TUBE1: variants seen among roughly 807,000 people sequenced by gnomAD.
TUBE1 encodes the protein tubulin epsilon 1.
Under a neutral mutation model 53.5 loss-of-function variants are expected in TUBE1, and 34 were observed. That is an observed-to-expected ratio of 0.64 (90% confidence interval 0.48 to 0.85). The LOEUF is 0.85. TUBE1 is among the 40% of genes least tolerant of loss of function. The pLI, the probability that TUBE1 is intolerant of heterozygous loss-of-function variation, is 0.00. For missense variants in TUBE1, 532 were observed against 570.5 expected (o/e 0.93, Z 0.69); for synonymous variants, 177 against 198.4 (o/e 0.89, Z 0.91).
chr6:112,070,856 TGTTAAGTGTACAA>T lies in TUBE1; in HGVS notation c.*543_*555del, dbSNP rs1177003048. 1.3e-5 allele frequency: 2 copies of T among 152,166 alleles called. No homozygotes were observed. Among genetic ancestry groups the T allele is most frequent in the African/African-American group, 4.8e-5 (2 of 41,464 alleles). 9.4% of individuals were successfully genotyped at this position (152,166 alleles called of 1,614,324 possible). A position where few individuals can be genotyped will look rare whatever the true frequency, so the allele number is the denominator to read the frequency against. On this transcript the variant is annotated 3_prime_UTR_variant, in exon 12 of 12. Transcript: ENST00000368662. ...ATTTAAAAAGTTTAATACAAATACA[TGTTAAGTGTACAA>T]ATTAGGATTCTTTTGGGCAAACAAG...
chr6:112,085,827 T>C (rs1219308843), intron 3 of TUBE1: 1 of 395,268 alleles, frequency 2.5e-6, no homozygotes, highest in Non-Finnish European at 5.1e-6. Flanking sequence ...ACTGAACCCA[T>C]CTCGAGATGC....
In TUBE1 at chr6:112,076,325, A is replaced by G. The variant is rs1776967527; in HGVS notation, c.633T>C (p.Asn211=). The change falls in exon 7 of 12, where the codon AAT becomes AAC. Residue 211 remains asparagine, a synonymous_variant. Coordinates refer to ENST00000368662, the MANE Select transcript of TUBE1 (RefSeq NM_016262.5). ...AAGTTCCAATGTCATTTCTTACTTG[A>G]TTGTCAATGGGCAATACACAGTCTG... ...EHADCVLPID[N]QSLFDIISKI... 2 of 1,563,834 alleles carry G rather than the reference A, an allele frequency of 1.3e-6. No homozygotes were observed. The highest frequency in any genetic ancestry group is 1.7e-6 in the Non-Finnish European group (2 of 1,156,228).
At chr6:112,079,527 G>A in intron 6 of TUBE1, 106 bp downstream of exon 6, 1 of 1,188,514 alleles carries the variant, frequency 8.4e-7, no homozygotes, top group Non-Finnish European at 1.2e-6. Context: ...CCTCCGAATA[G>A]TTCTATCTTT....
In TUBE1 at chr6:112,071,333, C is replaced by T; in HGVS notation, c.*79G>A. The stretch of plus-strand genomic sequence containing the variant: ...CGATAATATGAAAAAACTGGAGTTT[C>T]CAAATTACAAAAATGTTGAAACAGA... On this transcript the variant is annotated 3_prime_UTR_variant, in exon 12 of 12. Coordinates refer to ENST00000368662, the MANE Select transcript of TUBE1 (RefSeq NM_016262.5). 1 of 1,330,670 alleles carries T rather than the reference C, an allele frequency of 7.5e-7. No individual in the cohort carries two copies. Among genetic ancestry groups the T allele is most frequent in the Non-Finnish European group, 9.9e-7 (1 of 1,013,636 alleles). 82.4% of individuals were successfully genotyped at this position (1,330,670 alleles called of 1,614,324 possible).
intron 4 of TUBE1, among the ~76,000 whole-genome samples, chr6:112,083,740 A>G (rs1462583087): frequency 1.3e-5 from 2 of 152,226 alleles, no homozygotes; most frequent in Non-Finnish European, 2.9e-5. Context: ...ACTGTAAATA[A>G]GACTGTAAAT....
Position 112,075,959 on chromosome 6 carries a change from T to G in TUBE1, c.790A>C (p.Asn264His). 1 of 1,611,482 alleles carries G rather than the reference T, an allele frequency of 6.2e-7. No individual in the cohort carries two copies. The highest frequency in any genetic ancestry group is 8.5e-7 in the Non-Finnish European group (1 of 1,178,578). ...TACCTCGTTAGGTTGAGGAGCAAAT[T>G]TGCCACAATGTTATTCATTGCATCA... is the stretch of plus-strand genomic sequence containing the variant. Reference protein sequence around the residue: ...PFDAMNNIVANLLLNLTSSAR... With the variant: ...PFDAMNNIVAHLLLNLTSSAR... Residue 264 changes from asparagine to histidine, a missense_variant, in exon 8 of 12, where the codon AAT becomes CAT. Physicochemically the swap from Asn to His is moderately conservative, Grantham distance 68 (BLOSUM62 1). Transcript: ENST00000368662.
intron 3 of TUBE1, 102 bp from the exon 4 acceptor site, chr6:112,084,348 A>G (rs587667645): frequency 2.3e-6 from 2 of 872,592 alleles, no homozygotes; most frequent in East Asian, 2.4e-5. Flanking sequence ...GACTGCTTAT[A>G]GGCCAGGTAA....
rs1193233062 is a variant in TUBE1 at position 112,084,026 on chromosome 6, T to C, written c.210+163A>G. 5 of 618,022 alleles carry C rather than the reference T, an allele frequency of 8.1e-6. No homozygotes were observed. The East Asian group carries it at 1.4e-4, about 18-fold the overall frequency. The allele number at this position is 618,022 out of a possible 1,614,324, so 38.3% of individuals were successfully genotyped here. On this transcript the variant is annotated intron_variant, in intron 4 of 11. Coordinates refer to ENST00000368662, the MANE Select transcript of TUBE1 (RefSeq NM_016262.5). ...AAAGTATGGGCTTTTCCCCCTAATG[T>C]GTTAGGTGGACACAAATGTCTGCTT...
chr6:112,076,088 T>G lies in TUBE1; in HGVS notation c.661A>C (p.Ile221Leu). The part of the protein sequence containing the change: ...NQSLFDIISK[I>L]DLMVNSGKLG... The stretch of plus-strand genomic sequence containing the variant: ...TTTCCAGAATTCACCATGAGGTCGA[T>G]TTTGCTAATGATGTCAAATAAAGAC... The change falls in exon 8 of 12, where the codon ATC becomes CTC. Residue 221 changes from isoleucine to leucine, a missense_variant. Transcript: ENST00000368662. The G allele has an allele frequency of 6.2e-7, 1 of 1,612,910 alleles. No homozygotes were observed. Among genetic ancestry groups the G allele is most frequent in the Non-Finnish European group, 8.5e-7 (1 of 1,179,462 alleles).
At chr6:112,087,148 A>T (rs1777175384) in intron 2 of TUBE1, 85 bp downstream of exon 2, 1 of 1,234,708 alleles carries the variant, frequency 8.1e-7, no homozygotes, top group Non-Finnish European at 1.1e-6. Context: ...AACGGGTCAG[A>T]TGAAAGCTCA....
Position 112,079,842 on chromosome 6 carries a change from A to G in TUBE1, c.327-88T>C, listed in dbSNP as rs1583596052. The G allele has an allele frequency of 4.5e-6, 6 of 1,324,138 alleles. No individual in the cohort carries two copies. In the South Asian group the frequency reaches 7.0e-5, roughly 15 times the overall value. 82.0% of individuals were successfully genotyped at this position (1,324,138 alleles called of 1,614,324 possible). ...AATCTAAATAAAAGGATTTTAAACA[A>G]ATTTGAAAAGTATTCTTATTGAGCT... On this transcript the variant is annotated intron_variant, in intron 5 of 11. Transcript: ENST00000368662.
intron 2 of TUBE1, 28 bp from the exon 3 acceptor site, chr6:112,086,636 ATTTAGGT>A: frequency 2.6e-6 from 4 of 1,525,324 alleles, no homozygotes; most frequent in Non-Finnish European, 3.6e-6. Flanking sequence ...TGTTAATAGC[ATTTAGGT>A]TTTGCTTCTC....
chr6:112,080,809 A>G (rs1337235723), intron 5 of TUBE1, among the ~76,000 whole-genome samples: 6 of 152,084 alleles, frequency 3.9e-5, no homozygotes, highest in African/African-American at 1.4e-4. Flanking sequence ...CAGTTAATGA[A>G]AGTACTTAAA....
At chr6:112,082,855 C>T (rs1777092388) in intron 4 of TUBE1, among the ~76,000 whole-genome samples, 1 of 152,140 alleles carries the variant, frequency 6.6e-6, no homozygotes, top group Non-Finnish European at 1.5e-5. Flanking sequence ...GGGACCCAAG[C>T]ACCAAGTTAT....
chr6:112,072,935 T>C lies in TUBE1; in HGVS notation c.954-37A>G, dbSNP rs1465672997. The C allele has an allele frequency of 6.2e-6, 10 of 1,604,518 alleles. No homozygotes were observed. In the Admixed American group the frequency reaches 1.0e-4, roughly 16 times the overall value. On this transcript the variant is annotated intron_variant, in intron 9 of 11. Transcript: ENST00000368662. ...AAATTGTCATTGTTTATACAAAATA[T>C]TACTTCTTTCTATGTATAACTATAA...
rs782325631 is a variant in TUBE1 at position 112,071,931 on chromosome 6, CTT to C, written c.1238_1239del (p.Lys413ArgfsTer20). ...TTCTTGTAGAGCCTCATGAATCTCTCTTTCAGTTCCATGAAGGTGGGCTTCAC... is the reference window on the plus strand; with the variant it reads ...TTCTTGTAGAGCCTCATGAATCTCTCTCAGTTCCATGAAGGTGGGCTTCAC... The part of the protein sequence containing the change: ...TCVKPTFMEL[K>X]ERFMRLYKKK... On this transcript the variant is annotated frameshift_variant, in exon 11 of 12. Coordinates refer to ENST00000368662, the MANE Select transcript of TUBE1 (RefSeq NM_016262.5). LOFTEE classifies it high-confidence loss of function. 8 of 1,608,354 alleles carry C rather than the reference CTT, an allele frequency of 5.0e-6. No individual in the cohort carries two copies. The highest frequency in any genetic ancestry group is 6.8e-6 in the Non-Finnish European group (8 of 1,178,588).
At chr6:112,086,885 G>T in intron 2 of TUBE1, 1 of 485,574 alleles carries the variant, frequency 2.1e-6, no homozygotes, top group Non-Finnish European at 3.6e-6. Context: ...TGGATTCTTC[G>T]TAATCTTTTT....
Position 112,074,915 on chromosome 6 carries a change from C to T in TUBE1, c.813-65G>A, listed in dbSNP as rs1583592762. 10 of 1,140,926 alleles carry T rather than the reference C, an allele frequency of 8.8e-6. No individual in the cohort carries two copies. In the East Asian group the frequency reaches 1.9e-4, roughly 22 times the overall value. The allele number at this position is 1,140,926 out of a possible 1,614,324, so 70.7% of individuals were successfully genotyped here. A position where few individuals can be genotyped will look rare whatever the true frequency, so the allele number is the denominator to read the frequency against. ...AAAATTATACACTTTAAATGTAGCTCGATTTATTCAGCAGGTAGTTTCTTA... is the reference window on the plus strand; with the variant it reads ...AAAATTATACACTTTAAATGTAGCTTGATTTATTCAGCAGGTAGTTTCTTA... On this transcript the variant is annotated intron_variant, in intron 8 of 11. Transcript: ENST00000368662.
chr6:112,080,958 T>C (rs1291417851), intron 5 of TUBE1, 134 bp downstream of exon 5: 7 of 469,944 alleles, frequency 1.5e-5, no homozygotes, highest in African/African-American at 8.0e-5. Context: ...CCACTATTTA[T>C]TAAGGTGGTG....
Sources: gnomAD v4.1 joint callset for allele counts (sites outside exome capture counted in the v4.1 genomes callset) on GRCh38, gnomAD v4.1.1 for gene constraint, MANE v1.5 for transcripts, NCBI Gene and HGNC (gene_info 2026-07-23, HGNC 2026-07-21) for gene names.